SFTPA2: variants seen among roughly 807,000 people sequenced by gnomAD.
SFTPA2 encodes pulmonary surfactant-associated protein A2.
Under a neutral mutation model 20.3 loss-of-function variants are expected in SFTPA2, and 21 were observed. The ratio of observed to expected loss-of-function variants is 1.03; its 90% CI spans 0.73 to 1.49. SFTPA2 has a LOEUF of 1.49. Among genes scored for constraint, SFTPA2 ranks in the 40% most tolerant of loss-of-function variants. SFTPA2 has a pLI of 0.00. For synonymous variants in SFTPA2, 116 were observed against 118.7 expected (o/e 0.98, Z 0.15); for missense variants, 302 against 314.8 (o/e 0.96, Z 0.31).
rs772763289 is a variant in SFTPA2, at chr10:79,559,348, C to T, written c.136G>A (p.Gly46Arg). 2.4e-5 allele frequency: 38 copies of T among 1,613,716 alleles called. No homozygotes were observed. The highest frequency in any genetic ancestry group is 1.5e-4 in the South Asian group (14 of 91,066). ...GGGTCTCCTTTGACACCATCTCTCC[C>T]GTCCCTGCCTGGCAGGCCGTGGGAT... ...PGSHGLPGRD[G>R]RDGVKGDPGP... is the part of the protein sequence containing the mutation. The change falls in exon 3 of 6, where the codon GGG (glycine) becomes AGG (arginine). Residue 46 changes from glycine to arginine, a missense_variant. Gly to Arg is a moderately radical substitution (Grantham distance 125, BLOSUM62 -2). This residue lies in a region of SFTPA2 where 264 missense variants were observed against 261.7 expected (regional missense o/e 1.01). Coordinates refer to ENST00000372325, the MANE Select transcript of SFTPA2 (RefSeq NM_001098668.4).
chr10:79,558,059 T>C lies in SFTPA2; in HGVS notation c.363A>G (p.Thr121=). 2 of 1,614,070 alleles carry C rather than the reference T, an allele frequency of 1.2e-6. No homozygotes were observed. Among genetic ancestry groups the C allele is most frequent in the East Asian group, 2.2e-5 (1 of 44,866 alleles). ...CCCAGGGGGTCCCCTTACCTCCCCT[T>C]GTCTGCAGGATTTGATGTCTGAAGT... ...LHDFRHQILQ[T]RGALSLQGSI... The change falls in exon 5 of 6, where the codon ACA becomes ACG. Residue 121 remains threonine, a synonymous_variant. Transcript: ENST00000372325.
chr10:79,560,076 C>T, intron 1 of SFTPA2, 78 bp from the exon 2 acceptor site: 1 of 1,017,836 alleles, frequency 9.8e-7, no homozygotes, highest in African/African-American at 1.7e-5. Flanking sequence ...GACCCTCTCA[C>T]AGTCAGTGAT....
rs144728122 is a variant in SFTPA2 at position 79,560,083 on chromosome 10, T to G, written c.-53-85A>C. ...GGGGTGATGACCCTCTCACAGTCAG[T>G]GATGAGGTCTTCCTTCCTCTTGGGG... On this transcript the variant is annotated intron_variant, in intron 1 of 5. Transcript: ENST00000372325. 3.6e-4 allele frequency: 350 copies of G among 985,296 alleles called. 2 individuals are homozygous for G. In the African/African-American group the frequency reaches 5.6e-3, roughly 16 times the overall value. 61.0% of individuals were successfully genotyped at this position (985,296 alleles called of 1,614,324 possible). A position where few individuals can be genotyped will look rare whatever the true frequency, so the allele number is the denominator to read the frequency against.
chr10:79,559,352 C>T lies in SFTPA2; in HGVS notation c.132G>A (p.Arg44=), dbSNP rs569977637. Residue 44 remains arginine (R), a synonymous_variant, in exon 3 of 6, where the codon AGG becomes AGA. Transcript: ENST00000372325. ...GTPGSHGLPG[R]DGRDGVKGDP... ...CTCCTTTGACACCATCTCTCCCGTC[C>T]CTGCCTGGCAGGCCGTGGGATCCAG... is the stretch of plus-strand genomic sequence containing the variant. 1 of 1,613,854 alleles carries T rather than the reference C, an allele frequency of 6.2e-7. No individual in the cohort carries two copies. The highest frequency in any genetic ancestry group is 2.2e-5 in the East Asian group (1 of 44,866).
In SFTPA2 at chr10:79,557,454, G is replaced by T; in HGVS notation, c.502C>A (p.Pro168Thr). 6.2e-7 allele frequency: 1 copy of T among 1,613,790 alleles called. No individual in the cohort carries two copies. The highest frequency in any genetic ancestry group is 1.1e-5 in the South Asian group (1 of 91,058). The change falls in exon 6 of 6, where the codon CCA becomes ACA. Residue 168 changes from proline (P) to threonine (T), a missense_variant. This residue lies in a region of SFTPA2 where 264 missense variants were observed against 261.7 expected (regional missense o/e 1.01). Transcript: ENST00000372325. ...AGGRIAVPRN[P>T]EENEAIASFV... ...CTTGCAATGGCCTCATTTTCCTCTG[G>T]ATTCCTTGGGACAGCAATGCGGCCG...
intron 4 of SFTPA2, 197 bp from the exon 5 acceptor site, chr10:79,558,326 A>C (rs565370846): frequency 1.3e-4 from 110 of 865,366 alleles, no homozygotes; most frequent in Non-Finnish European, 1.4e-4. Context: ...TCTTTAGTGA[A>C]GCCTTGCCCC....
At chr10:79,557,913 C>A in intron 5 of SFTPA2, 139 bp downstream of exon 5, 1 of 1,415,218 alleles carries the variant, frequency 7.1e-7, no homozygotes, top group Non-Finnish European at 9.9e-7. Flanking sequence ...TCAAAGACAT[C>A]AGAAAAGCAA....
chr10:79,556,123 A>G lies in SFTPA2; in HGVS notation c.*1086T>C, dbSNP rs1314794933. 2.3e-4 allele frequency: 39 copies of G among 166,632 alleles called. No individual in the cohort carries two copies. The allele number at this position is 166,632 out of a possible 1,614,324, so 10.3% of individuals were successfully genotyped here. ...TAAACTGTATTAAAAGATTTTGTCA[A>G]GGTGTGTGGCACATGGTATGTGCTC... is the stretch of plus-strand genomic sequence containing the variant. On this transcript the variant is annotated 3_prime_UTR_variant, in exon 6 of 6. Transcript: ENST00000372325.
chr10:79,558,177 C>G, intron 4 of SFTPA2, 48 bp from the exon 5 acceptor site: 1 of 1,613,490 alleles, frequency 6.2e-7, no homozygotes, highest in Non-Finnish European at 8.5e-7. Context: ...AGTGAAGACT[C>G]CCACTTGCTG....
chr10:79,559,420 C>G lies in SFTPA2; in HGVS notation c.64G>C (p.Val22Leu). 1.2e-6 allele frequency: 2 copies of G among 1,613,762 alleles called. No individual in the cohort carries two copies. The highest frequency in any genetic ancestry group is 1.7e-6 in the Non-Finnish European group (2 of 1,179,826). Reference sequence around the variant, plus strand: ...GGGCTTCCAACACAAACGTCCTTCACTTCGCACGCAGCACCAGAGGCTGCC... The same window carrying G: ...GGGCTTCCAACACAAACGTCCTTCAGTTCGCACGCAGCACCAGAGGCTGCC... ...LMAASGAACE[V>L]KDVCVGSPGI... Residue 22 changes from valine (V) to leucine (L), a missense_variant, in exon 3 of 6, where the codon GTG becomes CTG. Around this residue, in one of 3 missense-constraint regions of SFTPA2, gnomAD observed 31 missense variants for 29.8 expected, o/e 1.04. Coordinates refer to ENST00000372325, the MANE Select transcript of SFTPA2 (RefSeq NM_001098668.4).
intron 1 of SFTPA2, 110 bp from the exon 2 acceptor site, chr10:79,560,108 G>A: frequency 1.2e-6 from 1 of 866,366 alleles, no homozygotes; most frequent in Non-Finnish European, 1.4e-6. Context: ...TCCTCTTGGG[G>A]TCTGTTCTCC....
rs747279690 is a variant in SFTPA2 at position 79,559,351 on chromosome 10, C to T, written c.133G>A (p.Asp45Asn). ...TPGSHGLPGRDGRDGVKGDPG... is the reference protein window; with the variant it reads ...TPGSHGLPGRNGRDGVKGDPG... ...TCTCCTTTGACACCATCTCTCCCGT[C>T]CCTGCCTGGCAGGCCGTGGGATCCA... is the stretch of plus-strand genomic sequence containing the variant. The change falls in exon 3 of 6, where the codon GAC becomes AAC. Residue 45 changes from aspartate to asparagine, a missense_variant. This residue lies in a region of SFTPA2 where 264 missense variants were observed against 261.7 expected (regional missense o/e 1.01). Coordinates refer to ENST00000372325, the MANE Select transcript of SFTPA2 (RefSeq NM_001098668.4). 16 of 1,613,852 alleles carry T rather than the reference C, an allele frequency of 9.9e-6. No homozygotes were observed. The highest frequency in any genetic ancestry group is 1.3e-5 in the Non-Finnish European group (15 of 1,179,792).
chr10:79,557,365 G>A lies in SFTPA2; in HGVS notation c.591C>T (p.Asp197=). The A allele has an allele frequency of 1.2e-6, 2 of 1,614,134 alleles. No individual in the cohort carries two copies. Among genetic ancestry groups the A allele is most frequent in the South Asian group, 1.1e-5 (1 of 91,078 alleles). ...VGLTEGPSPG[D]FRYSDGTPVN... ...CAGGGGTCCCATCTGAGTAGCGGAA[G>A]TCTCCAGGGCTGGGACCCTCAGTCA... The change falls in exon 6 of 6, where the codon GAC becomes GAT. Residue 197 remains aspartate, a synonymous_variant. Transcript: ENST00000372325.
At position 79,555,873 on chromosome 10, in the gene SFTPA2, A is replaced by G. The variant is rs1858745814; in HGVS notation, c.*1336T>C. ...AAGCTATGGAAACTCATGTGAACAC[A>G]CTAACGATTTATTATGCTTAAATCA... On this transcript the variant is annotated 3_prime_UTR_variant, in exon 6 of 6. Transcript: ENST00000372325. 1 of 152,234 alleles carries G rather than the reference A, an allele frequency of 6.6e-6. No individual in the cohort carries two copies. The highest frequency in any genetic ancestry group is 1.5e-5 in the Non-Finnish European group (1 of 68,052). 9.4% of individuals were successfully genotyped at this position (152,234 alleles called of 1,614,324 possible).
In SFTPA2 at chr10:79,556,264, A is replaced by T. The variant is rs1858770610; in HGVS notation, c.*945T>A. 2 of 168,050 alleles carry T rather than the reference A, an allele frequency of 1.2e-5. No homozygotes were observed. Among genetic ancestry groups the T allele is most frequent in the African/African-American group, 4.8e-5 (2 of 41,476 alleles). 10.4% of individuals were successfully genotyped at this position (168,050 alleles called of 1,614,324 possible). A position where few individuals can be genotyped will look rare whatever the true frequency, so the allele number is the denominator to read the frequency against. On this transcript the variant is annotated 3_prime_UTR_variant, in exon 6 of 6. Transcript: ENST00000372325. ...ATCCCCATTTCACAGATGAAGATAT[A>T]GGCTCAGGGAAAATAAATAAATATC...
intron 5 of SFTPA2, 95 bp downstream of exon 5, chr10:79,557,957 C>T (rs989711626): frequency 2.1e-5 from 34 of 1,585,280 alleles, no homozygotes; most frequent in East Asian, 6.7e-5. Context: ...TGCATGTGCA[C>T]GCTTGTTTGT....
chr10:79,558,991 G>A lies in SFTPA2; in HGVS notation c.187C>T (p.Pro63Ser), dbSNP rs1859004348. The A allele has an allele frequency of 1.2e-6, 2 of 1,614,124 alleles. No homozygotes were observed. The highest frequency in any genetic ancestry group is 1.7e-6 in the Non-Finnish European group (2 of 1,180,030). The change falls in exon 4 of 6, where the codon CCT becomes TCT. Residue 63 changes from proline to serine, a missense_variant. Pro to Ser is a moderately conservative substitution (Grantham distance 74). Coordinates refer to ENST00000372325, the MANE Select transcript of SFTPA2 (RefSeq NM_001098668.4). Reference sequence around the variant, plus strand: ...CCAGGAGGACATGGTGTTTCTCCAGGCGGACCCATGGGGCCTGCAGAGAAA... The same window carrying A: ...CCAGGAGGACATGGTGTTTCTCCAGACGGACCCATGGGGCCTGCAGAGAAA... ...DPGPPGPMGP[P>S]GETPCPPGNN...
rs1564667128 is a variant in SFTPA2 at position 79,557,049 on chromosome 10, C to T, written c.*160G>A. On this transcript the variant is annotated 3_prime_UTR_variant, in exon 6 of 6. Coordinates refer to ENST00000372325, the MANE Select transcript of SFTPA2 (RefSeq NM_001098668.4). Reference sequence around the variant, plus strand: ...CAGTGATTATGGGGAAGAGTCAGGGCCCATCAGGGGAATGAAGTGGCTAAG... The same window carrying T: ...CAGTGATTATGGGGAAGAGTCAGGGTCCATCAGGGGAATGAAGTGGCTAAG... The T allele has an allele frequency of 4.9e-6, 6 of 1,214,904 alleles. No homozygotes were observed. Among genetic ancestry groups the T allele is most frequent in the South Asian group, 1.5e-5 (1 of 68,776 alleles). 75.3% of individuals were successfully genotyped at this position (1,214,904 alleles called of 1,614,324 possible). A position where few individuals can be genotyped will look rare whatever the true frequency, so the allele number is the denominator to read the frequency against.
chr10:79,559,051 C>G (rs377046179), intron 3 of SFTPA2, 46 bp from the exon 4 acceptor site: 54 of 1,614,030 alleles, frequency 3.3e-5, no homozygotes, highest in Non-Finnish European at 4.2e-5. Context: ...TCACCCACAA[C>G]TGGTTGGAGC....
Sources: gnomAD v4.1 joint callset for allele counts on GRCh38, gnomAD v4.1.1 for gene constraint, gnomAD v4.1.1 regional missense constraint, MANE v1.5 for transcripts, NCBI Gene and HGNC (gene_info 2026-07-23, HGNC 2026-07-21) for gene names.